FOXN3: variants seen among roughly 807,000 people sequenced by gnomAD.
FOXN3 encodes the protein forkhead box N3, also known as forkhead box protein N3.
A neutral mutation model predicts 38.4 loss-of-function variants in FOXN3; 7 were observed. The ratio of observed to expected loss-of-function variants is 0.18; its 90% CI spans 0.10 to 0.34. The LOEUF is 0.34. FOXN3 is among the 10% of genes least tolerant of loss of function. The pLI is 1.00. For synonymous variants in FOXN3, 230 were observed against 242.2 expected, an observed-to-expected ratio of 0.95 and a Z score of 0.47; for missense variants, 456 against 613.4, an observed-to-expected ratio of 0.74 and a Z score of 2.71.
intron 4 of FOXN3, among the ~76,000 whole-genome samples, chr14:89,260,799 T>C (rs1885774462): frequency 6.6e-6 from 1 of 152,244 alleles, no homozygotes; most frequent in Non-Finnish European, 1.5e-5. Context: ...AGATCTTAAC[T>C]AACCTTTAAC....
intron 3 of FOXN3, among the ~76,000 whole-genome samples, chr14:89,342,852 T>C (rs778475288): frequency 3.3e-5 from 5 of 152,350 alleles, no homozygotes; most frequent in Middle Eastern, 3.4e-3. Context: ...AAATTAAACT[T>C]ATCCAAATAA....
intron 1 of FOXN3, among the ~76,000 whole-genome samples, chr14:89,506,687 G>A (rs976199851): frequency 6.6e-6 from 1 of 152,210 alleles, no homozygotes; most frequent in Non-Finnish European, 1.5e-5. Context: ...ATAGAAAGGC[G>A]GGAAAGGTGG....
At chr14:89,609,400 G>A (rs963099329) in intron 1 of FOXN3, among the ~76,000 whole-genome samples, 1 of 151,970 alleles carries the variant, frequency 6.6e-6, no homozygotes, top group Non-Finnish European at 1.5e-5. Context: ...ATGGGGTTTC[G>A]CCATGTTGCC....
At chr14:89,270,053 G>A (rs147855761) in intron 4 of FOXN3, among the ~76,000 whole-genome samples, 14 of 152,272 alleles carry the variant, frequency 9.2e-5, no homozygotes, top group African/African-American at 2.4e-4. Flanking sequence ...GGCTGGAAGC[G>A]TTCTAACACA....
At chr14:89,455,528 A>G (rs1025007452) in intron 1 of FOXN3, among the ~76,000 whole-genome samples, 4 of 152,176 alleles carry the variant, frequency 2.6e-5, no homozygotes, top group African/African-American at 9.7e-5. Flanking sequence ...TCCACCCTAA[A>G]TGCCTGCAGC....
chr14:89,206,189 A>T (rs1339690704), intron 4 of FOXN3, among the ~76,000 whole-genome samples: 1 of 152,228 alleles, frequency 6.6e-6, no homozygotes, highest in Non-Finnish European at 1.5e-5. Flanking sequence ...ATGGACTAAC[A>T]TAGTGGGTAA....
chr14:89,180,367 G>A (rs1193374448), intron 5 of FOXN3, among the ~76,000 whole-genome samples: 1 of 152,164 alleles, frequency 6.6e-6, no homozygotes, highest in Non-Finnish European at 1.5e-5. Flanking sequence ...ACTGGGTCTT[G>A]CGCTAGGCCC....
chr14:89,591,886 C>G (rs182280989), intron 1 of FOXN3, among the ~76,000 whole-genome samples: 319 of 152,250 alleles, frequency 2.1e-3, no homozygotes, highest in Non-Finnish European at 3.4e-3. Context: ...GATCATACCA[C>G]TGTACTCCAG....
intron 1 of FOXN3, among the ~76,000 whole-genome samples, chr14:89,555,397 A>C (rs1042359781): frequency 9.2e-5 from 14 of 152,202 alleles, no homozygotes; most frequent in Non-Finnish European, 1.6e-4. Context: ...CCATTCCCTC[A>C]ACAGTAGTCT....
intron 1 of FOXN3, among the ~76,000 whole-genome samples, chr14:89,538,176 C>T (rs534449032): frequency 4.6e-5 from 7 of 152,294 alleles, no homozygotes; most frequent in South Asian, 2.1e-4. Context: ...AACAGATCCA[C>T]GTAATGTATT....
intron 5 of FOXN3, among the ~76,000 whole-genome samples, chr14:89,168,206 A>G (rs1315846589): frequency 2.0e-5 from 3 of 152,274 alleles, no homozygotes; most frequent in Admixed American, 2.0e-4. Context: ...AAATGTTGAA[A>G]TAATTCGTTA....
chr14:89,617,825 A>C (rs1018853621), intron 1 of FOXN3, among the ~76,000 whole-genome samples: 8 of 152,188 alleles, frequency 5.3e-5, no homozygotes, highest in Non-Finnish European at 1.0e-4. Context: ...TGTGCACAAG[A>C]GGGCTATCTG....
At chr14:89,515,704 C>G (rs1433684300) in intron 1 of FOXN3, among the ~76,000 whole-genome samples, 1 of 152,070 alleles carries the variant, frequency 6.6e-6, no homozygotes, top group Non-Finnish European at 1.5e-5. Flanking sequence ...CCACTGTACT[C>G]CAGCCTGGAA....
In FOXN3 at chr14:89,461,100, G is replaced by A. The variant is rs187325609; in HGVS notation, c.-14-48610C>T. The stretch of plus-strand genomic sequence containing the variant: ...TGTAATCCCAGCACTTTGGGAGGCC[G>A]AGGCAGGCGGATCACGAGGTCAAGA... On this transcript the variant is annotated intron_variant, in intron 1 of 6. Coordinates refer to the FOXN3 transcript ENST00000345097. 1.2e-3 allele frequency among the ~76,000 whole-genome samples: 184 copies of A among 151,940 alleles called. 2 individuals are homozygous for A. The highest frequency in any genetic ancestry group is 3.3e-3 in the African/African-American group (138 of 41,434).
chr14:89,553,225 C>T (rs1453553567), intron 1 of FOXN3, among the ~76,000 whole-genome samples: 4 of 112,476 alleles, frequency 3.6e-5, no homozygotes, highest in Non-Finnish European at 6.9e-5. Flanking sequence ...GGCAACAGAA[C>T]GAGACCCTGT....
intron 4 of FOXN3, among the ~76,000 whole-genome samples, chr14:89,266,493 G>T (rs1596141771): frequency 6.6e-6 from 1 of 152,132 alleles, no homozygotes; most frequent in East Asian, 1.9e-4. Flanking sequence ...CGGCTGGGGG[G>T]GCGGTGGAGA....
At chr14:89,354,594 C>T (rs1441330668) in intron 2 of FOXN3, among the ~76,000 whole-genome samples, 1 of 149,076 alleles carries the variant, frequency 6.7e-6, no homozygotes, top group Admixed American at 6.7e-5. Context: ...GTGGCTCATG[C>T]CTGTAATCCC....
At chr14:89,507,411 G>A (rs1298461365) in intron 1 of FOXN3, among the ~76,000 whole-genome samples, 2 of 152,184 alleles carry the variant, frequency 1.3e-5, no homozygotes, top group Non-Finnish European at 2.9e-5. Flanking sequence ...TAACACTTGA[G>A]AAATTTGAGA....
chr14:89,606,148 C>T (rs952381199), intron 1 of FOXN3, among the ~76,000 whole-genome samples: 4 of 151,824 alleles, frequency 2.6e-5, no homozygotes, highest in East Asian at 1.9e-4. Flanking sequence ...ATGTTAAAAC[C>T]GAGATGAAGT....
Sources: gnomAD v4.1 joint callset for allele counts (sites outside exome capture counted in the v4.1 genomes callset) on GRCh38, gnomAD v4.1.1 for gene constraint, MANE v1.5 for transcripts, NCBI Gene and HGNC (gene_info 2026-07-23, HGNC 2026-07-21) for gene names.